Variants in KMT2C observed in about 807,000 individuals in gnomAD.
The protein encoded by KMT2C is lysine methyltransferase 2C.
KMT2C carries 88 observed loss-of-function variants against 507.9 expected under a neutral mutation model. That is an observed-to-expected ratio of 0.17 (90% CI 0.15 to 0.21). The LOEUF (loss-of-function observed/expected upper bound fraction) is 0.21. KMT2C is among the 10% of genes least tolerant of loss of function. The probability of loss-of-function intolerance (pLI) is 1.00; values close to 1 mark genes in which losing one functional copy is unlikely to be tolerated. For missense variants in KMT2C, 4,954 were observed against 5,957.8 expected, an observed-to-expected ratio of 0.83 and a Z score of 5.55; for synonymous variants, 2,049 against 2,080.8, an observed-to-expected ratio of 0.98 and a Z score of 0.42.
In KMT2C at chr7:152,154,448, G is replaced by A. The variant is rs748691025; in HGVS notation, c.11961-3C>T. On this transcript the variant is annotated splice_region_variant and splice_polypyrimidine_tract_variant and intron_variant, in intron 46 of 58. Coordinates refer to ENST00000262189, the MANE Select transcript of KMT2C (RefSeq NM_170606.3). ...GATCACCACAGTGATCCTGTATCCT[G>A]AAAAAACATAAACACACACATCAAA... 1 of 1,611,294 alleles carries A rather than the reference G, an allele frequency of 6.2e-7. No homozygotes were observed. Among genetic ancestry groups the A allele is most frequent in the Non-Finnish European group, 8.5e-7 (1 of 1,179,836 alleles).
chr7:152,415,990 A>T (rs2097731772), intron 1 of KMT2C, among the ~76,000 whole-genome samples: 1 of 152,226 alleles, frequency 6.6e-6, no homozygotes, highest in Non-Finnish European at 1.5e-5. Flanking sequence ...TTAATATATC[A>T]TACATGACAA....
chr7:152,337,075 A>C (rs2096942453), intron 2 of KMT2C, among the ~76,000 whole-genome samples: 2 of 152,200 alleles, frequency 1.3e-5, no homozygotes, highest in African/African-American at 4.8e-5. Flanking sequence ...ACTTAAGCCC[A>C]GAAGTTCAAG....
intron 6 of KMT2C, among the ~76,000 whole-genome samples, chr7:152,303,770 C>T (rs554045367): frequency 3.3e-5 from 5 of 152,280 alleles, no homozygotes; most frequent in African/African-American, 1.2e-4. Context: ...GGCGGATCAC[C>T]TGAGGCCAGG....
At position 152,183,146 on chromosome 7, in the gene KMT2C, C is replaced by A; in HGVS notation, c.5093G>T (p.Arg1698Ile). Residue 1698 changes from arginine to isoleucine, a missense_variant, in exon 35 of 59, where the codon AGA becomes ATA. Arg to Ile is a moderately conservative substitution (Grantham distance 97). Around this residue, in one of 29 missense-constraint regions of KMT2C, gnomAD observed 58 missense variants for 63.3 expected, o/e 0.92. Transcript: ENST00000262189. ...QERAPYVQKA[R>I]DNRAALRINK... ...AATGCGTAAAGCAGCTCTGTTATCT[C>A]TGGCTTTTTGCTTTGACAAAAGAAG... 6.4e-7 allele frequency: 1 copy of A among 1,552,336 alleles called. No individual in the cohort carries two copies. Among genetic ancestry groups the A allele is most frequent in the African/African-American group, 1.4e-5 (1 of 71,278 alleles).
At chr7:152,280,979 A>T (rs2096198431) in intron 6 of KMT2C, among the ~76,000 whole-genome samples, 4 of 152,212 alleles carry the variant, frequency 2.6e-5, no homozygotes. Context: ...AAAATAGGAG[A>T]GGCAAGCTTT....
chr7:152,304,496 A>C (rs2096597950), intron 6 of KMT2C, among the ~76,000 whole-genome samples: 2 of 152,316 alleles, frequency 1.3e-5, no homozygotes, highest in South Asian at 4.1e-4. Context: ...ATTATTTCTG[A>C]CAATAAAATA....
chr7:152,291,043 C>T (rs1255212387), intron 6 of KMT2C, among the ~76,000 whole-genome samples: 4 of 152,136 alleles, frequency 2.6e-5, no homozygotes, highest in East Asian at 1.9e-4. Flanking sequence ...GACCTTACCA[C>T]AGTATAAGGT....
intron 1 of KMT2C, among the ~76,000 whole-genome samples, chr7:152,365,544 T>C (rs913564661): frequency 6.6e-6 from 1 of 152,112 alleles, no homozygotes; most frequent in Non-Finnish European, 1.5e-5. Context: ...AACTAAAAAC[T>C]TCCTCCTTTT....
rs2097913132 is a variant in KMT2C, at chr7:152,435,918, C to T, written c.-132G>A. The T allele has an allele frequency of 2.0e-6, 2 of 987,794 alleles. No homozygotes were observed. The highest frequency in any genetic ancestry group is 4.2e-5 in the South Asian group (2 of 47,820). 61.2% of individuals were successfully genotyped at this position (987,794 alleles called of 1,614,324 possible). On this transcript the variant is annotated 5_prime_UTR_variant, in exon 1 of 59. Coordinates refer to ENST00000262189, the MANE Select transcript of KMT2C (RefSeq NM_170606.3). ...CAGCCTCTCGCATTTCCCGCAGCCC[C>T]GGGAGCAGCAGCAGGTACCGGGAGA...
chr7:152,183,338 T>C (rs1393531669), intron 34 of KMT2C, among the ~76,000 whole-genome samples, 182 bp from the exon 35 acceptor site: 1 of 152,184 alleles, frequency 6.6e-6, no homozygotes, highest in Non-Finnish European at 1.5e-5. Flanking sequence ...TTACAGTGCA[T>C]AGTACCTATC....
At chr7:152,345,657 TG>T (rs1190034324) in intron 2 of KMT2C, among the ~76,000 whole-genome samples, 1 of 152,092 alleles carries the variant, frequency 6.6e-6, no homozygotes, top group East Asian at 1.9e-4. Flanking sequence ...CCTGAGTAGC[TG>T]GGACAGTACC....
rs562062484 is a variant in KMT2C, at chr7:152,385,428, C to T, written c.162-26753G>A. On this transcript the variant is annotated intron_variant, in intron 1 of 58. Coordinates refer to ENST00000262189, the MANE Select transcript of KMT2C (RefSeq NM_170606.3). The stretch of plus-strand genomic sequence containing the variant: ...GAGATCGAGACCATCCCGGCTAAAA[C>T]GGTGAAACCCCGTCTCTACTAAAAA... Among the ~76,000 whole-genome samples, 17 of 134,026 alleles carry T rather than the reference C, an allele frequency of 1.3e-4. No homozygotes were observed. In the South Asian group the frequency reaches 3.2e-3, roughly 25 times the overall value. The allele number at this position is 134,026 out of a possible 152,430, so 87.9% of individuals were successfully genotyped here. A position where few individuals can be genotyped will look rare whatever the true frequency, so the allele number is the denominator to read the frequency against.
Position 152,366,793 on chromosome 7 carries a change from G to A in KMT2C, c.162-8118C>T, listed in dbSNP as rs190780325. The A allele has an allele frequency of 1.0e-3, 222 of 212,646 alleles. 1 individual carries two copies. Among genetic ancestry groups the A allele is most frequent in the African/African-American group, 5.0e-3 (212 of 42,586 alleles). The allele number at this position is 212,646 out of a possible 1,614,324, so 13.2% of individuals were successfully genotyped here. ...CCAGCCGCTGAGCTGCAGCCCTTCC[G>A]TGTCCGCAGGCTTCGGCCCGGCCGC... On this transcript the variant is annotated intron_variant, in intron 1 of 58. Transcript: ENST00000262189.
At chr7:152,237,290 C>T (rs1477788198) in intron 15 of KMT2C, among the ~76,000 whole-genome samples, 4 of 152,240 alleles carry the variant, frequency 2.6e-5, no homozygotes, top group African/African-American at 7.2e-5. Flanking sequence ...TATGGTGATA[C>T]TGTAAGCATA....
chr7:152,250,288 T>C (rs1006251000), intron 12 of KMT2C, among the ~76,000 whole-genome samples: 1 of 152,178 alleles, frequency 6.6e-6, no homozygotes, highest in Non-Finnish European at 1.5e-5. Flanking sequence ...ATAATTTTTA[T>C]GTATACTATA....
In KMT2C at chr7:152,181,183, C is replaced by T. The variant is rs2093423504; in HGVS notation, c.6677G>A (p.Arg2226Lys). The part of the protein sequence containing the change: ...VPYSQPPATP[R>K]PRISEGFTRS... ...AGTAAAACCCTCTGAAATCCTTGGCCTTGGTGTTGCTGGTGGCTGAGAGTA... is the reference window on the plus strand; with the variant it reads ...AGTAAAACCCTCTGAAATCCTTGGCTTTGGTGTTGCTGGTGGCTGAGAGTA... Residue 2226 changes from arginine (R) to lysine (K), a missense_variant, in exon 36 of 59, where the codon AGG becomes AAG. Arg to Lys is a conservative substitution (Grantham distance 26). This residue lies in a region of KMT2C where 1,689 missense variants were observed against 1,654.3 expected (regional missense o/e 1.02). Coordinates refer to ENST00000262189, the MANE Select transcript of KMT2C (RefSeq NM_170606.3). 1 of 1,614,040 alleles carries T rather than the reference C, an allele frequency of 6.2e-7. No individual in the cohort carries two copies. The highest frequency in any genetic ancestry group is 8.5e-7 in the Non-Finnish European group (1 of 1,180,008).
At chr7:152,410,343 C>T (rs796118416) in intron 1 of KMT2C, among the ~76,000 whole-genome samples, 6 of 151,822 alleles carry the variant, frequency 4.0e-5, no homozygotes, top group African/African-American at 1.2e-4. Context: ...ACCCAGGAGG[C>T]GGAGCTTGCA....
intron 20 of KMT2C, among the ~76,000 whole-genome samples, chr7:152,223,305 G>A (rs2094830219): frequency 6.6e-6 from 1 of 152,060 alleles, no homozygotes; most frequent in Admixed American, 6.5e-5. Flanking sequence ...GGCAGAAGGT[G>A]CTATCTAATA....
chr7:152,160,293 A>G (rs1440565826), intron 43 of KMT2C, among the ~76,000 whole-genome samples: 1 of 152,188 alleles, frequency 6.6e-6, no homozygotes, highest in Non-Finnish European at 1.5e-5. Context: ...CGGCAGCAGC[A>G]TCTAGAGCTG....
Sources: gnomAD v4.1 joint callset for allele counts (sites outside exome capture counted in the v4.1 genomes callset) on GRCh38, gnomAD v4.1.1 for gene constraint, gnomAD v4.1.1 regional missense constraint, MANE v1.5 for transcripts, NCBI Gene and HGNC (gene_info 2026-07-23, HGNC 2026-07-21) for gene names.